GPHN: variants seen among roughly 807,000 people sequenced by gnomAD.
GPHN encodes gephyrin.
Under a neutral mutation model 95.5 loss-of-function variants are expected in GPHN, and 17 were observed. The ratio of observed to expected loss-of-function variants is 0.18; its 90% confidence interval spans 0.12 to 0.27. The LOEUF (loss-of-function observed/expected upper bound fraction) is 0.27. GPHN is among the 10% of genes least tolerant of loss of function. The probability of loss-of-function intolerance (pLI) is 1.00; values close to 1 mark genes in which losing one functional copy is unlikely to be tolerated. For synonymous variants in GPHN, 320 were observed against 322.5 expected, an observed-to-expected ratio of 0.99 and a Z score of 0.08; for missense variants, 660 against 978.1, an observed-to-expected ratio of 0.67 and a Z score of 4.34.
the GPHN span, among the ~76,000 whole-genome samples, chr14:67,625,654 T>G: frequency 8.5e-6 from 1 of 117,630 alleles, no homozygotes; most frequent in East Asian, 2.4e-4. Context: ...CAGTCCAGCC[T>G]GGGCAACGAG....
chr14:67,681,077 C>A, the GPHN span, among the ~76,000 whole-genome samples: 1 of 152,104 alleles, frequency 6.6e-6, no homozygotes, highest in East Asian at 1.9e-4. Flanking sequence ...AGAGAGAGGG[C>A]CTTTAAGGAG....
chr14:67,179,561 T>C lies in GPHN; in HGVS notation c.2080-17T>C. ...TCAGGTGACCAAGTTTGTTTTCTTTTCTACTTTATTCTGTAGTTATCATGT... is the reference window on the plus strand; with the variant it reads ...TCAGGTGACCAAGTTTGTTTTCTTTCCTACTTTATTCTGTAGTTATCATGT... On this transcript the variant is annotated splice_polypyrimidine_tract_variant and intron_variant, in intron 21 of 22. Coordinates refer to ENST00000478722, the MANE Select transcript of GPHN (RefSeq NM_020806.5). 6 of 1,462,122 alleles carry C rather than the reference T, an allele frequency of 4.1e-6. No individual in the cohort carries two copies. The highest frequency in any genetic ancestry group is 5.8e-6 in the Non-Finnish European group (6 of 1,041,366). The allele number at this position is 1,462,122 out of a possible 1,614,324, so 90.6% of individuals were successfully genotyped here.
chr14:66,969,384 T>C lies in GPHN; in HGVS notation c.963+4059T>C, dbSNP rs544782124. The C allele has an allele frequency of 3.3e-5, 5 of 152,358 alleles. No individual in the cohort carries two copies. The South Asian group carries it at 6.2e-4, about 19-fold the overall frequency. 9.4% of individuals were successfully genotyped at this position (152,358 alleles called of 1,614,324 possible). ...AAGTTCTAAAATAATGATAGTCTTC[T>C]AAAAATGATTTGCTGGAAGAATAAT... is the stretch of plus-strand genomic sequence containing the variant. On this transcript the variant is annotated intron_variant, in intron 9 of 22. Coordinates refer to ENST00000478722, the MANE Select transcript of GPHN (RefSeq NM_020806.5).
At chr14:67,259,072 G>C in the GPHN span, among the ~76,000 whole-genome samples, 1 of 151,426 alleles carries the variant, frequency 6.6e-6, no homozygotes, top group Non-Finnish European at 1.5e-5. Flanking sequence ...CGAACTCGTG[G>C]CCTCAAGTGA....
chr14:66,806,489 A>C (rs1170347165), intron 3 of GPHN, among the ~76,000 whole-genome samples: 1 of 152,030 alleles, frequency 6.6e-6, no homozygotes. Flanking sequence ...TTTCTATTGC[A>C]TTGTCAGGCT....
chr14:67,051,573 T>TATTCA (rs2075307985), intron 10 of GPHN, among the ~76,000 whole-genome samples: 1 of 152,054 alleles, frequency 6.6e-6, no homozygotes, highest in Non-Finnish European at 1.5e-5. Context: ...CCTAGCAAGA[T>TATTCA]AGGCCAACAT....
rs113196186 is a variant in GPHN, at chr14:66,548,312, C to G, written c.64+39721C>G. On this transcript the variant is annotated intron_variant, in intron 1 of 22. Transcript: ENST00000478722. ...TCTTCTGCCTCAGCCTCCCATGTAG[C>G]TGGGATTACGGGCGCCCACTACCAT... Among the ~76,000 whole-genome samples the G allele has an allele frequency of 3.6e-3, 552 of 151,916 alleles. 10 individuals are homozygous for G. The highest frequency in any genetic ancestry group is 0.013 in the African/African-American group (526 of 41,428).
At chr14:66,546,907 A>G (rs1298569957) in intron 1 of GPHN, among the ~76,000 whole-genome samples, 2 of 152,322 alleles carry the variant, frequency 1.3e-5, no homozygotes, top group East Asian at 1.9e-4. Flanking sequence ...GTGATAATGT[A>G]CTTGTATGGG....
chr14:67,486,891 G>C, the GPHN span: 4 of 152,138 alleles, frequency 2.6e-5, no homozygotes, highest in Non-Finnish European at 4.4e-5. Context: ...ACCTTGGATG[G>C]GGAACAGACT....
intron 4 of GPHN, among the ~76,000 whole-genome samples, chr14:66,824,962 T>A (rs960752181): frequency 1.3e-5 from 2 of 152,156 alleles, no homozygotes; most frequent in East Asian, 1.9e-4. Context: ...TACAGTAAGA[T>A]GACTGCAATA....
At chr14:66,511,198 G>T (rs919263937) in intron 1 of GPHN, among the ~76,000 whole-genome samples, 1 of 152,066 alleles carries the variant, frequency 6.6e-6, no homozygotes, top group African/African-American at 2.4e-5. Context: ...CATATGATTT[G>T]GGGGAAAGAA....
chr14:66,522,985 G>C (rs2058542935), intron 1 of GPHN, among the ~76,000 whole-genome samples: 4 of 152,018 alleles, frequency 2.6e-5, no homozygotes. Flanking sequence ...AAAATGGAAA[G>C]TTGAGTAGAT....
intron 17 of GPHN, among the ~76,000 whole-genome samples, chr14:67,129,897 A>G (rs551755027): frequency 1.3e-3 from 196 of 152,130 alleles, no homozygotes; most frequent in African/African-American, 4.4e-3. Context: ...AGAAAGAAAG[A>G]AAGTCTTTAA....
chr14:66,651,151 G>A lies in GPHN; in HGVS notation c.65-29956G>A, dbSNP rs962541741. Among the ~76,000 whole-genome samples the A allele has an allele frequency of 3.3e-5, 5 of 152,088 alleles. 1 individual carries two copies. In the South Asian group the frequency reaches 1.0e-3, roughly 32 times the overall value. On this transcript the variant is annotated intron_variant, in intron 1 of 22. Transcript: ENST00000478722. ...AGAGCCGCTTCAGAGATTTCTTTTAGGAGAATAGTTCTTTTCTTTTAGAAA... is the reference window on the plus strand; with the variant it reads ...AGAGCCGCTTCAGAGATTTCTTTTAAGAGAATAGTTCTTTTCTTTTAGAAA...
intron 1 of GPHN, among the ~76,000 whole-genome samples, chr14:66,621,888 T>C (rs1299880044): frequency 6.6e-6 from 1 of 152,138 alleles, no homozygotes; most frequent in Non-Finnish European, 1.5e-5. Context: ...GTAGTGACTG[T>C]CTGTGGCTTT....
At chr14:66,738,165 G>A (rs2072463130) in intron 2 of GPHN, among the ~76,000 whole-genome samples, 1 of 152,148 alleles carries the variant, frequency 6.6e-6, no homozygotes, top group African/African-American at 2.4e-5. Context: ...GAAACCAATT[G>A]TTAGGCTTTC....
intron 2 of GPHN, among the ~76,000 whole-genome samples, chr14:66,740,051 A>G (rs1037323458): frequency 6.6e-6 from 1 of 152,144 alleles, no homozygotes; most frequent in African/African-American, 2.4e-5. Flanking sequence ...AATAGGCTAA[A>G]AGAAATTATT....
intron 13 of GPHN, among the ~76,000 whole-genome samples, chr14:67,103,564 T>C (rs999152090): frequency 2.1e-5 from 3 of 144,160 alleles, no homozygotes; most frequent in Non-Finnish European, 4.5e-5. Flanking sequence ...TTTTCATCAG[T>C]ATTTTATAGT....
the GPHN span, chr14:67,676,688 C>T: frequency 6.6e-6 from 1 of 152,228 alleles, no homozygotes; most frequent in South Asian, 2.1e-4. Flanking sequence ...TATCACACAA[C>T]CTAAATTAAT....
Sources: allele counts gnomAD v4.1 joint callset (sites outside exome capture counted in the v4.1 genomes callset), GRCh38; gene constraint gnomAD v4.1.1; transcripts MANE v1.5; gene names NCBI Gene and HGNC (gene_info 2026-07-23, HGNC 2026-07-21).